The following DCAF5 variants were observed in gnomAD, a reference collection of about 807,000 sequenced individuals.
The protein encoded by DCAF5 is DDB1- and CUL4-associated factor 5.
Under a neutral mutation model 80.7 loss-of-function variants are expected in DCAF5, and 9 were observed. The observed-to-expected ratio is 0.11, with a 90% confidence interval of 0.07 to 0.19. The LOEUF is 0.19. Ranked by LOEUF, DCAF5 falls within the 10% of genes least tolerant of loss-of-function variation. The pLI, the probability that DCAF5 is intolerant of heterozygous loss-of-function variation, is 1.00. For synonymous variants in DCAF5, 433 were observed against 461.9 expected, an observed-to-expected ratio of 0.94 and a Z score of 0.80; for missense variants, 842 against 1,205.7, an observed-to-expected ratio of 0.70 and a Z score of 4.47.
chr14:69,128,893 G>T (rs1190034503), intron 1 of DCAF5, among the ~76,000 whole-genome samples: 1 of 151,936 alleles, frequency 6.6e-6, no homozygotes, highest in East Asian at 1.9e-4. Flanking sequence ...CGAGGTGGGA[G>T]GATCACTTGA....
At chr14:69,083,077 C>G (rs1024038148) in intron 6 of DCAF5, among the ~76,000 whole-genome samples, 1 of 152,200 alleles carries the variant, frequency 6.6e-6, no homozygotes, top group Non-Finnish European at 1.5e-5. Flanking sequence ...GCCTCACATA[C>G]TCCAAAACCT....
At chr14:69,150,156 G>A (rs978717248) in intron 1 of DCAF5, among the ~76,000 whole-genome samples, 3 of 152,184 alleles carry the variant, frequency 2.0e-5, no homozygotes, top group Non-Finnish European at 4.4e-5. Context: ...CAAAATGGAG[G>A]AGCGATGGAA....
chr14:69,084,977 A>G, intron 6 of DCAF5: 1 of 1,419,482 alleles, frequency 7.0e-7, no homozygotes. Flanking sequence ...TGCACCCAGA[A>G]GAATTGGGTT....
chr14:69,053,608 C>A lies in DCAF5; in HGVS notation c.*249G>T. 1 of 478,564 alleles carries A rather than the reference C, an allele frequency of 2.1e-6. No individual in the cohort carries two copies. Among genetic ancestry groups the A allele is most frequent in the Non-Finnish European group, 3.7e-6 (1 of 272,012 alleles). 29.6% of individuals were successfully genotyped at this position (478,564 alleles called of 1,614,324 possible). A position where few individuals can be genotyped will look rare whatever the true frequency, so the allele number is the denominator to read the frequency against. ...CTTGCGCGGCACACTACGCTCACGT[C>A]TCACTAGAAAGGAGTCACTTGGGTT... is the stretch of plus-strand genomic sequence containing the variant. On this transcript the variant is annotated 3_prime_UTR_variant, in exon 9 of 9. Coordinates refer to ENST00000341516, the MANE Select transcript of DCAF5 (RefSeq NM_003861.3).
At chr14:69,122,948 G>GT (rs999217140) in intron 1 of DCAF5, among the ~76,000 whole-genome samples, 35 of 152,090 alleles carry the variant, frequency 2.3e-4, no homozygotes, top group Non-Finnish European at 3.4e-4. Flanking sequence ...GGTTGTTATT[G>GT]TTTTTTCCCA....
At chr14:69,088,604 TG>T (rs2039426291) in intron 6 of DCAF5, among the ~76,000 whole-genome samples, 1 of 152,254 alleles carries the variant, frequency 6.6e-6, no homozygotes, top group African/African-American at 2.4e-5. Flanking sequence ...AAAAGCCAGA[TG>T]ACTGTCTCAG....
rs1189913117 is a variant in DCAF5 at position 69,152,770 on chromosome 14, A to C, written c.209T>G (p.Val70Gly). 1 of 1,613,128 alleles carries C rather than the reference A, an allele frequency of 6.2e-7. No individual in the cohort carries two copies. Among genetic ancestry groups the C allele is most frequent in the African/African-American group, 1.3e-5 (1 of 74,840 alleles). The part of the protein sequence containing the change: ...EFSNNGGQWL[V>G]SGGDDRRVLL... ...GGGGAAGGGGGTTGATTTACCTGAG[A>C]CCAGCCACTGGCCTCCATTGTTGGA... is the stretch of plus-strand genomic sequence containing the variant. Residue 70 changes from valine (V) to glycine (G), a missense_variant, in exon 1 of 9, where the codon GTC becomes GGC. Physicochemically the swap from Val to Gly is moderately radical, Grantham distance 109. Around this residue, in one of 5 missense-constraint regions of DCAF5, gnomAD observed 142 missense variants for 311.9 expected, o/e 0.46. Transcript: ENST00000341516. The surrounding 1 kb of genome is among the most constrained non-coding windows in gnomAD (Gnocchi z 4.1).
At chr14:69,078,889 C>T (rs2038995574) in intron 6 of DCAF5, among the ~76,000 whole-genome samples, 1 of 151,452 alleles carries the variant, frequency 6.6e-6, no homozygotes, top group African/African-American at 2.4e-5. Context: ...TTTTTTGAGA[C>T]AGAGTTTCTG....
At chr14:69,097,185 T>C (rs946135934) in intron 5 of DCAF5, among the ~76,000 whole-genome samples, 1 of 152,104 alleles carries the variant, frequency 6.6e-6, no homozygotes, top group Admixed American at 6.5e-5. Flanking sequence ...TAGTACTTTC[T>C]AAAAAGAACT....
chr14:69,084,614 T>C (rs555875389), intron 6 of DCAF5: 19 of 885,224 alleles, frequency 2.1e-5, no homozygotes, highest in Admixed American at 1.1e-4. Flanking sequence ...TGAAAAGAGA[T>C]TCCTTCTACT....
intron 1 of DCAF5, among the ~76,000 whole-genome samples, chr14:69,148,143 A>T (rs1006199487): frequency 2.6e-5 from 4 of 151,312 alleles, no homozygotes; most frequent in Admixed American, 6.6e-5. Flanking sequence ...CATATAAAGG[A>T]CCCCATTCTA....
chr14:69,132,501 C>A (rs1253492132), intron 1 of DCAF5, among the ~76,000 whole-genome samples: 1 of 152,190 alleles, frequency 6.6e-6, no homozygotes, highest in Non-Finnish European at 1.5e-5. Context: ...TTTCTATTCA[C>A]TCACCCCATC....
intron 2 of DCAF5, 138 bp downstream of exon 2, chr14:69,122,079 A>G: frequency 9.6e-7 from 1 of 1,036,452 alleles, no homozygotes; most frequent in East Asian, 2.4e-5. Flanking sequence ...GCTGTAATGC[A>G]GAAAAGACAA....
At chr14:69,088,408 G>A (rs1469227069) in intron 6 of DCAF5, among the ~76,000 whole-genome samples, 3 of 152,200 alleles carry the variant, frequency 2.0e-5, no homozygotes, top group Non-Finnish European at 4.4e-5. Context: ...GTGGCAATGA[G>A]CATGAGGGAG....
In DCAF5 at chr14:69,153,112, C is replaced by T. The variant is rs1250835852; in HGVS notation, c.-134G>A. ...CTTTAACCAGCCATGGCAGGCAGAG[C>T]GAGGTGTGCAGACACTCGGCGGCGT... On this transcript the variant is annotated 5_prime_UTR_variant, in exon 1 of 9. Coordinates refer to ENST00000341516, the MANE Select transcript of DCAF5 (RefSeq NM_003861.3). 2 of 673,716 alleles carry T rather than the reference C, an allele frequency of 3.0e-6. No homozygotes were observed. The highest frequency in any genetic ancestry group is 1.9e-5 in the African/African-American group (1 of 51,700). The allele number at this position is 673,716 out of a possible 1,614,324, so 41.7% of individuals were successfully genotyped here.
chr14:69,062,604 C>A, intron 7 of DCAF5, 93 bp from the exon 8 acceptor site: 2 of 1,449,238 alleles, frequency 1.4e-6, no homozygotes, highest in South Asian at 1.3e-5. Flanking sequence ...TGAATGGGAG[C>A]AAAGATTTTT....
chr14:69,144,343 T>C (rs775927543), intron 1 of DCAF5, among the ~76,000 whole-genome samples: 2 of 150,984 alleles, frequency 1.3e-5, no homozygotes, highest in Non-Finnish European at 3.0e-5. Context: ...GAGGCCGAGG[T>C]GGGCGGATCA....
rs775595255 is a variant in DCAF5, at chr14:69,054,747, C to G, written c.1939G>C (p.Ala647Pro). 5.0e-6 allele frequency: 8 copies of G among 1,614,100 alleles called. No homozygotes were observed. The African/African-American group carries it at 1.1e-4, about 22-fold the overall frequency. The change falls in exon 9 of 9, where the codon GCA becomes CCA. Residue 647 changes from alanine to proline, a missense_variant. Transcript: ENST00000341516. ...TSTLEIQPSR[A>P]SPTSDIESVE... The stretch of plus-strand genomic sequence containing the variant: ...GATTCTATGTCAGAAGTTGGTGATG[C>G]CCGGCTTGGTTGAATCTCTAGCGTG...
At chr14:69,153,181 C>G (rs2041762108), upstream of DCAF5, 1 of 423,620 alleles carries the variant, frequency 2.4e-6, no homozygotes, top group African/African-American at 2.1e-5. Context: ...CCCCCCGAGG[C>G]TCCTCCCTCT....
Sources: gnomAD v4.1 joint callset for allele counts (sites outside exome capture counted in the v4.1 genomes callset) on GRCh38, gnomAD v4.1.1 for gene constraint, gnomAD v4.1.1 regional missense constraint, Gnocchi (gnomAD v3.1) non-coding constraint, MANE v1.5 for transcripts, NCBI Gene and HGNC (gene_info 2026-07-23, HGNC 2026-07-21) for gene names.